The following GRIK4 variants were observed in gnomAD, a reference collection of about 807,000 sequenced individuals.
GRIK4 encodes glutamate receptor ionotropic, kainate 4.
In GRIK4, 40 loss-of-function variants were observed where a neutral mutation model predicts 104.9. That is an observed-to-expected ratio of 0.38 (90% CI 0.30 to 0.50). GRIK4 has a LOEUF of 0.50. Among genes scored for constraint, GRIK4 ranks in the 20% least tolerant of loss-of-function variants. The probability of loss-of-function intolerance (pLI) is 0.93; values close to 1 mark genes in which losing one functional copy is unlikely to be tolerated. For synonymous variants in GRIK4, 485 were observed against 524.9 expected (o/e 0.92, Z 1.04); for missense variants, 1,047 against 1,308.1 (o/e 0.80, Z 3.08).
At chr11:120,855,702 C>CT (rs1954087729) in intron 8 of GRIK4, among the ~76,000 whole-genome samples, 1 of 152,070 alleles carries the variant, frequency 6.6e-6, no homozygotes, top group Admixed American at 6.5e-5. Flanking sequence ...GGACTACAGG[C>CT]AGATGCCACA....
intron 1 of GRIK4, among the ~76,000 whole-genome samples, chr11:120,552,986 T>G (rs1296343825): frequency 5.3e-5 from 7 of 131,856 alleles, no homozygotes; most frequent in East Asian, 2.2e-4. Flanking sequence ...GGGGACAGAG[T>G]GAGACTCCGT....
chr11:120,967,131 A>G lies in GRIK4; in HGVS notation c.2267-64A>G. 3.9e-6 allele frequency: 6 copies of G among 1,536,108 alleles called. No homozygotes were observed. Among genetic ancestry groups the G allele is most frequent in the South Asian group, 1.3e-5 (1 of 79,418 alleles). ...GGCCAGGAGGTGTGCCGGGAAGGGG[A>G]GCAGAGTGACACCTAACAGGGCATT... is the stretch of plus-strand genomic sequence containing the variant. On this transcript the variant is annotated intron_variant, in intron 18 of 20. Coordinates refer to ENST00000527524, the MANE Select transcript of GRIK4 (RefSeq NM_014619.5). The surrounding 1 kb of genome is among the most constrained non-coding windows in gnomAD (Gnocchi z 4.2).
intron 13 of GRIK4, among the ~76,000 whole-genome samples, chr11:120,918,335 C>G (rs1040694826): frequency 1.3e-5 from 2 of 152,228 alleles, no homozygotes. Flanking sequence ...TTGACCCATT[C>G]TGATGTACTT....
intron 1 of GRIK4, among the ~76,000 whole-genome samples, chr11:120,568,994 A>G (rs1948364665): frequency 6.6e-6 from 1 of 152,242 alleles, no homozygotes; most frequent in Non-Finnish European, 1.5e-5. Context: ...ATATTTTTCA[A>G]GTGATTCATC....
In GRIK4 at chr11:120,813,715, G is replaced by A. The variant is rs934450273; in HGVS notation, c.248-1663G>A. 2.4e-4 allele frequency among the ~76,000 whole-genome samples: 37 copies of A among 152,314 alleles called. 1 individual carries two copies. The highest frequency in any genetic ancestry group is 2.0e-3 in the Admixed American group (31 of 15,302). Reference sequence around the variant, plus strand: ...TGGACTCTAACCCAGAAGAAAGAGCGTCCATGTGGCAGGTGTGGCTTTACA... The same window carrying A: ...TGGACTCTAACCCAGAAGAAAGAGCATCCATGTGGCAGGTGTGGCTTTACA... On this transcript the variant is annotated intron_variant, in intron 4 of 20. Transcript: ENST00000527524.
At position 120,580,269 on chromosome 11, in the gene GRIK4, C is replaced by T. The variant is rs201781752; in HGVS notation, c.-159+68382C>T. Among the ~76,000 whole-genome samples the T allele has an allele frequency of 8.9e-4, 101 of 113,792 alleles. 3 individuals carry two copies. In the East Asian group the frequency reaches 0.016, roughly 18 times the overall value. The allele number at this position is 113,792 out of a possible 152,430, so 74.7% of individuals were successfully genotyped here. ...TTTCTTTCTTTTTCTTTCTTTCTTT[C>T]CTTTCTTTCTTTATTTATTTTTTTG... On this transcript the variant is annotated intron_variant, in intron 1 of 20. Coordinates refer to ENST00000527524, the MANE Select transcript of GRIK4 (RefSeq NM_014619.5).
At chr11:120,827,401 A>T (rs1242271195) in intron 6 of GRIK4, among the ~76,000 whole-genome samples, 1 of 152,144 alleles carries the variant, frequency 6.6e-6, no homozygotes, top group Non-Finnish European at 1.5e-5. Context: ...GAGCAAGGCT[A>T]ATAGGTTCCC....
At chr11:120,930,148 G>A (rs1427316334) in intron 13 of GRIK4, among the ~76,000 whole-genome samples, 1 of 152,152 alleles carries the variant, frequency 6.6e-6, no homozygotes, top group Admixed American at 6.5e-5. Flanking sequence ...TGTACATGGG[G>A]GTCTGAAGCT....
At chr11:120,556,571 G>A (rs935121748) in intron 1 of GRIK4, among the ~76,000 whole-genome samples, 18 of 152,078 alleles carry the variant, frequency 1.2e-4, no homozygotes, top group African/African-American at 3.9e-4. Context: ...GTGCGCCTAC[G>A]TTCTTTTGGA....
intron 1 of GRIK4, among the ~76,000 whole-genome samples, chr11:120,521,435 G>C (rs1234693259): frequency 6.6e-6 from 1 of 152,124 alleles, no homozygotes; most frequent in African/African-American, 2.4e-5. Flanking sequence ...GGTGATTTGT[G>C]TCCTCTCCCC....
intron 19 of GRIK4, among the ~76,000 whole-genome samples, chr11:120,970,128 T>C (rs961411257): frequency 1.3e-4 from 20 of 152,318 alleles, no homozygotes; most frequent in Middle Eastern, 3.4e-3. Context: ...TGTTGTGTTT[T>C]CCTGGGTCAT....
chr11:120,882,974 ACTC>A (rs1955008907), intron 11 of GRIK4, among the ~76,000 whole-genome samples: 1 of 151,974 alleles, frequency 6.6e-6, no homozygotes, highest in Non-Finnish European at 1.5e-5. Flanking sequence ...CGTCTCCAAA[ACTC>A]AGCTCAGTGA....
intron 1 of GRIK4, among the ~76,000 whole-genome samples, chr11:120,548,415 G>T (rs150417181): frequency 5.5e-4 from 84 of 152,088 alleles, no homozygotes; most frequent in Non-Finnish European, 1.0e-3. Context: ...CAGAGGGGAT[G>T]GCCCCAGCAA....
In GRIK4 at chr11:120,962,522, G is replaced by A. The variant is rs183811839; in HGVS notation, c.2107G>A (p.Val703Met). ...YMYSKQPSVFVKSTEEGIARV... is the reference protein window; with the variant it reads ...YMYSKQPSVFMKSTEEGIARV... Reference sequence around the variant, plus strand: ...GTATTCCAAGCAGCCCAGCGTGTTCGTGAAGAGCACAGAGGAGGGAATCGC... The same window carrying A: ...GTATTCCAAGCAGCCCAGCGTGTTCATGAAGAGCACAGAGGAGGGAATCGC... The change falls in exon 18 of 21, where the codon GTG becomes ATG. Residue 703 changes from valine to methionine, a missense_variant. Val to Met is a conservative substitution (Grantham distance 21). Coordinates refer to ENST00000527524, the MANE Select transcript of GRIK4 (RefSeq NM_014619.5). 37 of 1,614,072 alleles carry A rather than the reference G, an allele frequency of 2.3e-5. 1 individual carries two copies. The African/African-American group carries it at 3.3e-4, about 15-fold the overall frequency.
chr11:120,881,775 C>G (rs1419761390), intron 11 of GRIK4, among the ~76,000 whole-genome samples: 1 of 152,218 alleles, frequency 6.6e-6, no homozygotes, highest in East Asian at 1.9e-4. Context: ...GCTCTGCCCC[C>G]TTTCCGGGGG....
chr11:120,755,099 C>G (rs575161664), intron 3 of GRIK4, among the ~76,000 whole-genome samples: 6 of 152,136 alleles, frequency 3.9e-5, no homozygotes, highest in Non-Finnish European at 7.4e-5. Context: ...TGGGTCAGGG[C>G]AGAGGTTCAA....
chr11:120,604,716 A>G (rs950196946), intron 1 of GRIK4, among the ~76,000 whole-genome samples: 19 of 152,246 alleles, frequency 1.2e-4, no homozygotes, highest in Admixed American at 5.2e-4. Context: ...ATCAAGATCC[A>G]GATAGATTTA....
chr11:120,844,965 T>G (rs9783385), intron 8 of GRIK4, among the ~76,000 whole-genome samples: 47,603 of 151,990 alleles, frequency 0.31, 8,501 homozygotes, highest in East Asian at 0.49. Flanking sequence ...CCTGGGACTG[T>G]TTCCTTCACT....
chr11:120,796,287 A>G (rs758117621), intron 3 of GRIK4, among the ~76,000 whole-genome samples: 50 of 152,060 alleles, frequency 3.3e-4, no homozygotes, highest in Non-Finnish European at 6.8e-4. Flanking sequence ...CGCCCGCCTC[A>G]GCCTCCCAAA....
Sources: gnomAD v4.1 joint callset for allele counts (sites outside exome capture counted in the v4.1 genomes callset) on GRCh38, gnomAD v4.1.1 for gene constraint, Gnocchi (gnomAD v3.1) non-coding constraint, MANE v1.5 for transcripts, NCBI Gene and HGNC (gene_info 2026-07-23, HGNC 2026-07-21) for gene names.